The following SLC25A12 variants were observed in gnomAD, a reference collection of about 807,000 sequenced individuals.
SLC25A12 encodes electrogenic aspartate/glutamate antiporter SLC25A12, mitochondrial.
A neutral mutation model predicts 83.3 loss-of-function variants in SLC25A12; 32 were observed. The ratio of observed to expected loss-of-function variants is 0.38; its 90% confidence interval spans 0.29 to 0.52. The LOEUF is 0.52. SLC25A12 is among the 20% of genes least tolerant of loss of function. The pLI, the probability that SLC25A12 is intolerant of heterozygous loss-of-function variation, is 0.84. For missense variants in SLC25A12, 611 were observed against 835.6 expected, an observed-to-expected ratio of 0.73 and a Z score of 3.31; for synonymous variants, 267 against 291.1, an observed-to-expected ratio of 0.92 and a Z score of 0.84.
rs35881803 is a variant in SLC25A12 at position 171,834,750 on chromosome 2, C to T, written c.728G>A (p.Arg243Lys). 0.016 allele frequency: 25,902 copies of T among 1,613,566 alleles called. 269 individuals are homozygous for T. The highest frequency in any genetic ancestry group is 0.019 in the Non-Finnish European group (22,729 of 1,179,848). Residue 243 changes from arginine (R) to lysine (K), a missense_variant, in exon 7 of 18, where the codon AGG becomes AAG. Coordinates refer to ENST00000422440, the MANE Select transcript of SLC25A12 (RefSeq NM_003705.5). Reference sequence around the variant, plus strand: ...ACCCTTTGTGACTTCAACATCTTTCCTTGTGCCAGCTAGAGTGCTATATAT... The same window carrying T: ...ACCCTTTGTGACTTCAACATCTTTCTTTGTGCCAGCTAGAGTGCTATATAT... ...RKIYSTLAGT[R>K]KDVEVTKEEF...
At chr2:171,799,741 CACT>C (rs1418401738) in intron 13 of SLC25A12, among the ~76,000 whole-genome samples, 3 of 152,202 alleles carry the variant, frequency 2.0e-5, no homozygotes, top group Admixed American at 6.5e-5. Context: ...AGGTCTTGTG[CACT>C]ACTAACTCAT....
At chr2:171,837,372 T>A in intron 5 of SLC25A12, 105 bp from the exon 6 acceptor site, 1 of 1,216,090 alleles carries the variant, frequency 8.2e-7, no homozygotes, top group Non-Finnish European at 1.2e-6. Flanking sequence ...ATGTACTTAC[T>A]ACAAAACAAA....
At chr2:171,879,354 C>T (rs376554700) in intron 2 of SLC25A12, among the ~76,000 whole-genome samples, 1 of 152,164 alleles carries the variant, frequency 6.6e-6, no homozygotes, top group South Asian at 2.1e-4. Context: ...TCCATGAATA[C>T]TATGTGCTTA....
At chr2:171,843,681 A>G (rs1278973072) in intron 5 of SLC25A12, among the ~76,000 whole-genome samples, 3 of 152,124 alleles carry the variant, frequency 2.0e-5, no homozygotes, top group Non-Finnish European at 4.4e-5. Flanking sequence ...CAAAATTATA[A>G]TAACTCATAG....
intron 2 of SLC25A12, among the ~76,000 whole-genome samples, chr2:171,877,676 A>C (rs1458561467): frequency 6.6e-6 from 1 of 151,578 alleles, no homozygotes; most frequent in East Asian, 1.9e-4. Flanking sequence ...TCCCAGGAAA[A>C]AAAAAAAAAA....
chr2:171,808,327 T>A (rs1187273872), intron 13 of SLC25A12, among the ~76,000 whole-genome samples: 1 of 147,714 alleles, frequency 6.8e-6, no homozygotes, highest in East Asian at 2.0e-4. Context: ...AATCATGTCA[T>A]GCTTACACTT....
At chr2:171,873,472 C>T (rs1685498769) in intron 2 of SLC25A12, among the ~76,000 whole-genome samples, 1 of 152,064 alleles carries the variant, frequency 6.6e-6, no homozygotes, top group South Asian at 2.1e-4. Flanking sequence ...ATAAAAGATA[C>T]AGGTGAAACA....
chr2:171,867,344 T>C (rs1056678335), intron 3 of SLC25A12, among the ~76,000 whole-genome samples: 35 of 151,826 alleles, frequency 2.3e-4, no homozygotes, highest in Admixed American at 1.3e-3. Context: ...CTGGGCACCA[T>C]TGAGCACTGA....
chr2:171,875,438 C>A (rs536333512), intron 2 of SLC25A12, among the ~76,000 whole-genome samples: 5 of 152,214 alleles, frequency 3.3e-5, no homozygotes, highest in Non-Finnish European at 7.4e-5. Flanking sequence ...AGACCCTCTA[C>A]CTGTTACAGG....
chr2:171,887,651 T>C (rs1685847513), intron 2 of SLC25A12, among the ~76,000 whole-genome samples: 1 of 152,196 alleles, frequency 6.6e-6, no homozygotes, highest in African/African-American at 2.4e-5. Context: ...ACACTGCTGA[T>C]GTAGCTAAAT....
At chr2:171,820,416 G>A (rs1383812986) in intron 9 of SLC25A12, among the ~76,000 whole-genome samples, 1 of 152,106 alleles carries the variant, frequency 6.6e-6, no homozygotes, top group Admixed American at 6.5e-5. Context: ...GTTGAAAAAA[G>A]TAATTATGTA....
In SLC25A12 at chr2:171,834,671, A is replaced by C; in HGVS notation, c.751+56T>G. 4 of 1,568,948 alleles carry C rather than the reference A, an allele frequency of 2.5e-6. No homozygotes were observed. The South Asian group carries it at 4.4e-5, about 17-fold the overall frequency. On this transcript the variant is annotated intron_variant, in intron 7 of 17. Coordinates refer to ENST00000422440, the MANE Select transcript of SLC25A12 (RefSeq NM_003705.5). The stretch of plus-strand genomic sequence containing the variant: ...TAAGCTTAGATCAACATCATGCCTC[A>C]GTGAAGAAAAGTGAAAATGCTGAGA...
chr2:171,890,201 G>A (rs1685901817), intron 2 of SLC25A12, among the ~76,000 whole-genome samples: 1 of 152,202 alleles, frequency 6.6e-6, no homozygotes, highest in Non-Finnish European at 1.5e-5. Flanking sequence ...GAATAAAAGT[G>A]CATGGTACAC....
intron 2 of SLC25A12, among the ~76,000 whole-genome samples, chr2:171,883,433 T>A (rs1423107292): frequency 1.3e-5 from 2 of 152,144 alleles, no homozygotes; most frequent in African/African-American, 2.4e-5. Context: ...CCAGGTACAC[T>A]CTGCTGCCCT....
At chr2:171,843,835 G>A (rs1456108009) in intron 5 of SLC25A12, among the ~76,000 whole-genome samples, 26 of 127,370 alleles carry the variant, frequency 2.0e-4, no homozygotes, top group Admixed American at 4.7e-4. Context: ...TCACTCTGTC[G>A]CCAAGGCTGG....
chr2:171,892,386 C>T (rs560293246), intron 2 of SLC25A12, among the ~76,000 whole-genome samples: 6 of 152,202 alleles, frequency 3.9e-5, no homozygotes, highest in African/African-American at 1.4e-4. Flanking sequence ...CCACCACGCC[C>T]GGCTAATTTT....
At chr2:171,832,263 G>C (rs1684456340) in intron 8 of SLC25A12, among the ~76,000 whole-genome samples, 1 of 152,156 alleles carries the variant, frequency 6.6e-6, no homozygotes, top group Non-Finnish European at 1.5e-5. Flanking sequence ...CCTCTAGGTG[G>C]TTGCTGGTGG....
chr2:171,875,499 G>A (rs912704782), intron 2 of SLC25A12, among the ~76,000 whole-genome samples: 1 of 152,104 alleles, frequency 6.6e-6, no homozygotes, highest in Non-Finnish European at 1.5e-5. Flanking sequence ...CTATTAGAGC[G>A]GGGAGAGAGA....
intron 9 of SLC25A12, 67 bp from the exon 10 acceptor site, chr2:171,815,269 T>A: frequency 9.1e-7 from 1 of 1,104,896 alleles, no homozygotes; most frequent in Non-Finnish European, 1.4e-6. Context: ...AAGCTACAAT[T>A]TGACTATTTT....
Sources: allele counts gnomAD v4.1 joint callset (sites outside exome capture counted in the v4.1 genomes callset), GRCh38; gene constraint gnomAD v4.1.1; transcripts MANE v1.5; gene names NCBI Gene and HGNC (gene_info 2026-07-23, HGNC 2026-07-21).